DTNB: variants seen among roughly 807,000 people sequenced by gnomAD.
The protein encoded by DTNB is dystrobrevin beta.
In DTNB, 63 loss-of-function variants were observed where a neutral mutation model predicts 90.7. That is an observed-to-expected ratio of 0.69 (90% CI 0.57 to 0.86). DTNB has a LOEUF of 0.86. Ranked by LOEUF, DTNB falls within the 40% of genes least tolerant of loss-of-function variation. The probability of loss-of-function intolerance (pLI) is 0.00; values close to 1 mark genes in which losing one functional copy is unlikely to be tolerated. For synonymous variants in DTNB, 277 were observed against 286.7 expected, an observed-to-expected ratio of 0.97 and a Z score of 0.34; for missense variants, 744 against 807.1, an observed-to-expected ratio of 0.92 and a Z score of 0.95.
rs1469685254 is a variant in DTNB, at chr2:25,399,151, T to C, written c.1576-10790A>G. Among the ~76,000 whole-genome samples, 3 of 152,150 alleles carry C rather than the reference T, an allele frequency of 2.0e-5. No homozygotes were observed. In the East Asian group the frequency reaches 5.8e-4, roughly 30 times the overall value. On this transcript the variant is annotated intron_variant, in intron 16 of 20. Coordinates refer to ENST00000406818, the MANE Select transcript of DTNB (RefSeq NM_021907.5). Reference sequence around the variant, plus strand: ...GCAACCTCTGCCTCCTGGGTTCAAATGATTCTCCTGCCTCAGCCTCCTGAG... The same window carrying C: ...GCAACCTCTGCCTCCTGGGTTCAAACGATTCTCCTGCCTCAGCCTCCTGAG...
chr2:25,487,008 T>C (rs544602735), intron 9 of DTNB, among the ~76,000 whole-genome samples: 193 of 152,270 alleles, frequency 1.3e-3, no homozygotes, highest in African/African-American at 4.6e-3. Flanking sequence ...TTCGATGGGA[T>C]AGAATAAGAT....
intron 15 of DTNB, among the ~76,000 whole-genome samples, chr2:25,423,405 T>A (rs1298646047): frequency 6.6e-6 from 1 of 152,234 alleles, no homozygotes; most frequent in African/African-American, 2.4e-5. Flanking sequence ...AACAGTGATG[T>A]CACTTCTTAT....
intron 19 of DTNB, 177 bp downstream of exon 19, chr2:25,383,659 T>C (rs1369059365): frequency 1.5e-6 from 2 of 1,378,120 alleles, no homozygotes; most frequent in African/African-American, 2.9e-5. Flanking sequence ...CGACTGACCT[T>C]GTCACCTGGA....
chr2:25,558,807 A>C (rs2057782931), intron 8 of DTNB, among the ~76,000 whole-genome samples: 1 of 152,232 alleles, frequency 6.6e-6, no homozygotes, highest in Non-Finnish European at 1.5e-5. Flanking sequence ...CCTACTGAAA[A>C]TGCGGATAAA....
At chr2:25,506,825 G>C (rs1490747419) in intron 9 of DTNB, among the ~76,000 whole-genome samples, 1 of 152,088 alleles carries the variant, frequency 6.6e-6, no homozygotes, top group Non-Finnish European at 1.5e-5. Context: ...CAATTTTTTA[G>C]GAAAATTGTT....
At chr2:25,488,114 A>C (rs1001133506) in intron 9 of DTNB, among the ~76,000 whole-genome samples, 13 of 152,186 alleles carry the variant, frequency 8.5e-5, no homozygotes, top group Admixed American at 2.6e-4. Context: ...TTTGCCCCAC[A>C]TAATATATAA....
intron 9 of DTNB, among the ~76,000 whole-genome samples, chr2:25,527,344 G>A (rs1412081994): frequency 1.3e-5 from 2 of 152,112 alleles, no homozygotes; most frequent in Non-Finnish European, 2.9e-5. Context: ...CCAACATGGT[G>A]AAACCCCGTC....
intron 8 of DTNB, among the ~76,000 whole-genome samples, chr2:25,565,470 G>A (rs1034189256): frequency 5.9e-5 from 9 of 151,864 alleles, no homozygotes; most frequent in Middle Eastern, 3.2e-3. Flanking sequence ...GGCTGGTCTC[G>A]AATTCCTGGC....
intron 1 of DTNB, among the ~76,000 whole-genome samples, chr2:25,665,672 G>C (rs999829643): frequency 6.0e-5 from 9 of 150,442 alleles, no homozygotes; most frequent in African/African-American, 2.2e-4. Context: ...TTAACACTTA[G>C]TTACAACAAG....
Position 25,414,254 on chromosome 2 carries a change from T to G in DTNB, c.1575+5261A>C, listed in dbSNP as rs183408634. ...CCTGTTCACTCTGATGGTAGTTTTT[T>G]TTTGTTTGTTTGTTTTTGGAGACAG... On this transcript the variant is annotated intron_variant, in intron 16 of 20. Transcript: ENST00000406818. Among the ~76,000 whole-genome samples the G allele has an allele frequency of 8.6e-3, 1,311 of 152,294 alleles. 26 individuals carry two copies. The highest frequency in any genetic ancestry group is 0.03 in the African/African-American group (1,252 of 41,554).
At chr2:25,559,094 A>G (rs1250070842) in intron 8 of DTNB, among the ~76,000 whole-genome samples, 3 of 152,200 alleles carry the variant, frequency 2.0e-5, no homozygotes. Context: ...GGTTAATTCC[A>G]GCACGACCTT....
At chr2:25,435,424 T>C (rs2055406476) in intron 12 of DTNB, among the ~76,000 whole-genome samples, 1 of 152,226 alleles carries the variant, frequency 6.6e-6, no homozygotes, top group Non-Finnish European at 1.5e-5. Context: ...TCCCTCGCCC[T>C]TGACCTCCAT....
At chr2:25,638,979 TC>T in intron 3 of DTNB, 34 bp downstream of exon 3, 3 of 1,529,262 alleles carry the variant, frequency 2.0e-6, no homozygotes, top group Non-Finnish European at 2.7e-6. Context: ...GAGAACTCTA[TC>T]CAGCTATCAC....
intron 14 of DTNB, among the ~76,000 whole-genome samples, chr2:25,430,521 G>A (rs1049918038): frequency 6.6e-6 from 1 of 152,060 alleles, no homozygotes; most frequent in Non-Finnish European, 1.5e-5. Flanking sequence ...GGCTAATATG[G>A]TGGGGGTAGG....
At position 25,583,246 on chromosome 2, in the gene DTNB, CAA is replaced by C. The variant is rs55876799; in HGVS notation, c.604-2422_604-2421del. 1.0e-2 allele frequency among the ~76,000 whole-genome samples: 970 copies of C among 97,082 alleles called. 9 individuals carry two copies. Among genetic ancestry groups the C allele is most frequent in the African/African-American group, 0.032 (839 of 26,248 alleles). The allele number at this position is 97,082 out of a possible 152,430, so 63.7% of individuals were successfully genotyped here. ...TGAGTGATGCAGTGAGATTCCGTCT[CAA>C]AAAAAAAAAAAAAAATATATATATA... is the stretch of plus-strand genomic sequence containing the variant. On this transcript the variant is annotated intron_variant, in intron 6 of 20. Transcript: ENST00000406818.
At chr2:25,459,790 G>C (rs887204029) in intron 10 of DTNB, among the ~76,000 whole-genome samples, 2 of 151,968 alleles carry the variant, frequency 1.3e-5, no homozygotes, top group Admixed American at 1.3e-4. Context: ...CACCGCACCC[G>C]GCCCTGATAT....
At chr2:25,404,777 C>T (rs914577508) in intron 16 of DTNB, among the ~76,000 whole-genome samples, 8 of 152,132 alleles carry the variant, frequency 5.3e-5, no homozygotes, top group Middle Eastern at 3.4e-3. Context: ...ATCGCTTGAA[C>T]CTGGGAGACA....
At chr2:25,404,578 G>T (rs2044571425) in intron 16 of DTNB, among the ~76,000 whole-genome samples, 1 of 152,126 alleles carries the variant, frequency 6.6e-6, no homozygotes, top group South Asian at 2.1e-4. Context: ...ATAAGGGCTG[G>T]GCACGGTGGG....
intron 2 of DTNB, among the ~76,000 whole-genome samples, chr2:25,648,135 AT>A (rs891179501): frequency 1.3e-5 from 2 of 152,178 alleles, no homozygotes; most frequent in African/African-American, 4.8e-5. Context: ...GAGAGCTTTC[AT>A]TTTGGCACCA....
Sources: allele counts gnomAD v4.1 joint callset (sites outside exome capture counted in the v4.1 genomes callset), GRCh38; gene constraint gnomAD v4.1.1; transcripts MANE v1.5; gene names NCBI Gene and HGNC (gene_info 2026-07-23, HGNC 2026-07-21).